The following LOC400499 variants were observed in gnomAD, a reference collection of about 807,000 sequenced individuals.
the LOC400499 span, chr16:11,411,133 G>A: frequency 2.5e-6 from 1 of 398,032 alleles, no homozygotes; most frequent in East Asian, 3.6e-5. Context: ...GCCTGCTGCA[G>A]GCTGGTGAAC....
At chr16:11,425,076 G>A in the LOC400499 span, 11 of 398,730 alleles carry the variant, frequency 2.8e-5, no homozygotes, top group African/African-American at 2.3e-4. Flanking sequence ...TTGGCTCCAG[G>A]ACTTAGAAGT....
the LOC400499 span, among the ~76,000 whole-genome samples, chr16:11,410,755 C>T: frequency 6.6e-6 from 1 of 152,238 alleles, no homozygotes; most frequent in African/African-American, 2.4e-5. Context: ...GTGCCAGGCA[C>T]TAGGCATGCC....
At chr16:11,375,166 T>C in the LOC400499 span, among the ~76,000 whole-genome samples, 2 of 144,382 alleles carry the variant, frequency 1.4e-5, 1 homozygote, top group Non-Finnish European at 3.0e-5. Context: ...CTTTGATGAA[T>C]TGCCATATTG....
chr16:11,494,461 G>GGAAGGGGC, the LOC400499 span: 1,868 of 393,272 alleles, frequency 4.7e-3, 33 homozygotes, highest in African/African-American at 0.037. Flanking sequence ...AGGGATAGGA[G>GGAAGGGGC]GAAGGGGCAA....
At chr16:11,479,631 A>C in the LOC400499 span, among the ~76,000 whole-genome samples, 2 of 152,142 alleles carry the variant, frequency 1.3e-5, no homozygotes, top group Admixed American at 1.3e-4. Context: ...TGTCTCTGAA[A>C]AAAGCAGAAA....
At chr16:11,436,014 A>T in the LOC400499 span, 1 of 397,378 alleles carries the variant, frequency 2.5e-6, no homozygotes, top group Non-Finnish European at 4.4e-6. Context: ...ACAGCACACA[A>T]TTAAGAGGAG....
chr16:11,389,241 A>G, the LOC400499 span, among the ~76,000 whole-genome samples: 33 of 151,084 alleles, frequency 2.2e-4, no homozygotes, highest in South Asian at 8.4e-4. Context: ...CATAGGATCC[A>G]CCCCCCCATC....
chr16:11,501,361 T>G, the LOC400499 span, among the ~76,000 whole-genome samples: 1 of 151,942 alleles, frequency 6.6e-6, no homozygotes, highest in Admixed American at 6.6e-5. Flanking sequence ...GGACATTTAT[T>G]TTTTCTTTTT....
the LOC400499 span, among the ~76,000 whole-genome samples, chr16:11,525,064 G>A: frequency 1.3e-5 from 2 of 152,102 alleles, no homozygotes; most frequent in African/African-American, 4.8e-5. Context: ...GTGGGTGATG[G>A]CTTGAGCTCA....
the LOC400499 span, among the ~76,000 whole-genome samples, chr16:11,394,446 G>C: frequency 6.6e-6 from 1 of 152,354 alleles, no homozygotes; most frequent in Non-Finnish European, 1.5e-5. Context: ...CTGGGCCTCA[G>C]CTCCAAGATC....
the LOC400499 span, among the ~76,000 whole-genome samples, chr16:11,388,758 C>T: frequency 1.3e-5 from 2 of 152,244 alleles, no homozygotes; most frequent in African/African-American, 4.8e-5. Flanking sequence ...GTCACATCCA[C>T]TCTCCCTTGC....
the LOC400499 span, among the ~76,000 whole-genome samples, chr16:11,376,485 T>C: frequency 2.9e-4 from 44 of 152,246 alleles, no homozygotes; most frequent in Non-Finnish European, 2.9e-5. Flanking sequence ...GGCATCCTTA[T>C]TGAAATCATT....
At chr16:11,395,222 A>T in the LOC400499 span, among the ~76,000 whole-genome samples, 1 of 151,778 alleles carries the variant, frequency 6.6e-6, no homozygotes, top group South Asian at 2.1e-4. Flanking sequence ...TGAATGCCTG[A>T]CCTCCCTGAA....
chr16:11,440,864 C>A, the LOC400499 span: 1 of 398,944 alleles, frequency 2.5e-6, no homozygotes, highest in Admixed American at 4.4e-5. Context: ...ATAGACAACA[C>A]CCTTTACTTC....
chr16:11,441,332 G>T, the LOC400499 span, among the ~76,000 whole-genome samples: 1 of 152,222 alleles, frequency 6.6e-6, no homozygotes, highest in Non-Finnish European at 1.5e-5. Flanking sequence ...CTCAAAGAAA[G>T]TGCCTTGGGA....
chr16:11,507,464 C>G, the LOC400499 span, among the ~76,000 whole-genome samples: 4 of 152,218 alleles, frequency 2.6e-5, no homozygotes, highest in African/African-American at 9.7e-5. Context: ...CAGCCCAGCT[C>G]TATCACTTGC....
chr16:11,469,869 G>T, the LOC400499 span, among the ~76,000 whole-genome samples: 4 of 152,124 alleles, frequency 2.6e-5, no homozygotes, highest in African/African-American at 7.2e-5. Flanking sequence ...AAGCGGCTGC[G>T]GTGCACACTC....
chr16:11,380,431 T>A, the LOC400499 span, among the ~76,000 whole-genome samples: 1 of 152,086 alleles, frequency 6.6e-6, no homozygotes, highest in Non-Finnish European at 1.5e-5. Flanking sequence ...AATACAAAAA[T>A]TCGCCGGGGG....
At chr16:11,512,620 T>C in the LOC400499 span, among the ~76,000 whole-genome samples, 3 of 152,068 alleles carry the variant, frequency 2.0e-5, no homozygotes, top group African/African-American at 7.2e-5. Context: ...AATAAAATAA[T>C]AATAAAGTTG....
Sources: allele counts gnomAD v4.1 joint callset (sites outside exome capture counted in the v4.1 genomes callset), GRCh38; gene constraint gnomAD v4.1.1; transcripts MANE v1.5.